Variants in EXOC3L4 observed in about 807,000 individuals in gnomAD.
EXOC3L4 encodes exocyst complex component 3 like 4, also known as exocyst complex component 3-like protein 4.
EXOC3L4 carries 62 observed loss-of-function variants against 69.7 expected under a neutral mutation model. That is an observed-to-expected ratio of 0.89 (90% CI 0.72 to 1.10). The LOEUF is 1.10. Among genes scored for constraint, EXOC3L4 ranks in the 50% least tolerant of loss-of-function variants. EXOC3L4 has a pLI of 0.00. For synonymous variants in EXOC3L4, 502 were observed against 464.2 expected (o/e 1.08, Z -1.05); for missense variants, 1,087 against 1,034.8 (o/e 1.05, Z -0.69).
At position 103,103,935 on chromosome 14, in the gene EXOC3L4, T is replaced by A; in HGVS notation, c.1050-6T>A. On this transcript the variant is annotated splice_region_variant and splice_polypyrimidine_tract_variant and intron_variant, in intron 3 of 11. Transcript: ENST00000688303. ...CCCGCCCCCAGCCCCCTGCCCTGTC[T>A]TCCAGTCCTGACTTCCTGGGCGCCC... is the stretch of plus-strand genomic sequence containing the variant. 1 of 1,537,940 alleles carries A rather than the reference T, an allele frequency of 6.5e-7. No homozygotes were observed. Among genetic ancestry groups the A allele is most frequent in the South Asian group, 1.2e-5 (1 of 84,228 alleles).
intron 7 of EXOC3L4, among the ~76,000 whole-genome samples, chr14:103,106,538 G>A (rs926684374): frequency 6.6e-6 from 1 of 152,204 alleles, no homozygotes; most frequent in Non-Finnish European, 1.5e-5. Context: ...CACCAAGAGG[G>A]ATGGAAGGTC....
Position 103,110,063 on chromosome 14 carries a change from GCCGACTGGGCCGCCA to G in EXOC3L4, c.2010_2024del (p.Leu672_Arg676del). On this transcript the variant is annotated inframe_deletion, in exon 12 of 12. Coordinates refer to ENST00000688303, the MANE Select transcript of EXOC3L4 (RefSeq NM_001077594.2). ...CACATACTGGCCATTCTGGCGCTGCGCCGACTGGGCCGCCAGCGGAACCAGCATCTCTTGCAGCAC... is the reference window on the plus strand; with the variant it reads ...CACATACTGGCCATTCTGGCGCTGCGGCGGAACCAGCATCTCTTGCAGCAC... The G allele has an allele frequency of 6.2e-7, 1 of 1,600,588 alleles. No individual in the cohort carries two copies. Among genetic ancestry groups the G allele is most frequent in the South Asian group, 1.1e-5 (1 of 89,192 alleles).
At chr14:103,099,646 A>C (rs1171969965) in intron 1 of EXOC3L4, among the ~76,000 whole-genome samples, 1 of 152,026 alleles carries the variant, frequency 6.6e-6, no homozygotes, top group Non-Finnish European at 1.5e-5. Flanking sequence ...CACCCAGGGA[A>C]GGGGGTGGGC....
chr14:103,105,721 G>A (rs1890509287), intron 7 of EXOC3L4, among the ~76,000 whole-genome samples: 1 of 152,186 alleles, frequency 6.6e-6, no homozygotes, highest in Non-Finnish European at 1.5e-5. Flanking sequence ...CCTCCCTGTG[G>A]GCTGGCAGTA....
At chr14:103,094,196 T>C (rs773878461), upstream of EXOC3L4, among the ~76,000 whole-genome samples, 6 of 152,128 alleles carry the variant, frequency 3.9e-5, no homozygotes, top group Non-Finnish European at 7.4e-5. Flanking sequence ...GTCCTGTCTG[T>C]CCCTAGGGCC....
In EXOC3L4 at chr14:103,102,691, G is replaced by A. The variant is rs373971768; in HGVS notation, c.968G>A (p.Arg323His). The part of the protein sequence containing the change: ...LRAFHSAVAQ[R>H]LQELARDARG... ...GCCTTCCACAGCGCCGTGGCCCAGC[G>A]CCTCCAGGAGCTCGCGCGCGACGCC... The change falls in exon 3 of 12, where the codon CGC (arginine) becomes CAC (histidine). Residue 323 changes from arginine to histidine, a missense_variant. Transcript: ENST00000688303. 8.2e-4 allele frequency: 1,210 copies of A among 1,474,260 alleles called. No individual in the cohort carries two copies. Among genetic ancestry groups the A allele is most frequent in the Non-Finnish European group, 1.0e-3 (1,118 of 1,117,788 alleles). The allele number at this position is 1,474,260 out of a possible 1,614,324, so 91.3% of individuals were successfully genotyped here. A position where few individuals can be genotyped will look rare whatever the true frequency, so the allele number is the denominator to read the frequency against.
At chr14:103,105,358 C>CTGTGTGTG (rs56105443) in intron 7 of EXOC3L4, among the ~76,000 whole-genome samples, 114 of 141,678 alleles carry the variant, frequency 8.0e-4, no homozygotes, top group African/African-American at 2.6e-3. Flanking sequence ...GAGCTGAGGG[C>CTGTGTGTG]TGTGTGTGTG....
At position 103,097,815 on chromosome 14, in the gene EXOC3L4, G is replaced by A. The variant is rs10151782; in HGVS notation, c.-16-2389G>A. 0.016 allele frequency among the ~76,000 whole-genome samples: 2,494 copies of A among 152,250 alleles called. 59 individuals are homozygous for A. Among genetic ancestry groups the A allele is most frequent in the African/African-American group, 0.057 (2,374 of 41,532 alleles). On this transcript the variant is annotated intron_variant, in intron 1 of 11. Transcript: ENST00000688303. The surrounding 1 kb of genome is among the most constrained non-coding windows in gnomAD (Gnocchi z 4.9). ...CCGGAGGGGAAGCTGGAGGCTGGGCGTGCAGCCGGGAGGACAGAGAAGAAG... is the reference window on the plus strand; with the variant it reads ...CCGGAGGGGAAGCTGGAGGCTGGGCATGCAGCCGGGAGGACAGAGAAGAAG...
rs10149114 is a variant in EXOC3L4 at position 103,097,512 on chromosome 14, C to A, written c.-17+2672C>A. 6.6e-6 allele frequency among the ~76,000 whole-genome samples: 1 copy of A among 152,076 alleles called. No individual in the cohort carries two copies. Among genetic ancestry groups the A allele is most frequent in the Admixed American group, 6.5e-5 (1 of 15,270 alleles). On this transcript the variant is annotated intron_variant, in intron 1 of 11. Transcript: ENST00000688303. The surrounding 1 kb of genome is among the most constrained non-coding windows in gnomAD (Gnocchi z 4.9). ...GAGAGGGGCCTTCAGGTCTCAGCCC[C>A]GCAGGCGCCAGCATGGCAGCAGGCA... is the stretch of plus-strand genomic sequence containing the variant.
chr14:103,107,510 T>A lies in EXOC3L4; in HGVS notation c.1668T>A (p.Gly556=). 1 of 1,613,770 alleles carries A rather than the reference T, an allele frequency of 6.2e-7. No homozygotes were observed. Among genetic ancestry groups the A allele is most frequent in the Non-Finnish European group, 8.5e-7 (1 of 1,180,024 alleles). The change falls in exon 9 of 12, where the codon GGT becomes GGA. Residue 556 remains glycine (G), a synonymous_variant. Transcript: ENST00000688303. ...PLMDKVVTFA[G]HLQRVARPRA... The stretch of plus-strand genomic sequence containing the variant: ...TGGACAAGGTGGTGACCTTCGCCGG[T>A]CATCTCCAGCGTGTGGCCCGGCCGC...
rs1422532889 is a variant in EXOC3L4, at chr14:103,107,668, A to G, written c.1739A>G (p.Glu580Gly). The change falls in exon 10 of 12, where the codon GAG (glutamate) becomes GGG (glycine). Residue 580 changes from glutamate to glycine, a missense_variant. Glu to Gly is a moderately conservative substitution (Grantham distance 98, BLOSUM62 -2). Transcript: ENST00000688303. ...GAGGTGCACCGGTTCGTGGTCCGCG[A>G]GTACCTGGCGCGGGCGCTGAGGCCA... ...LQEVHRFVVR[E>G]YLARALRPRE... 5.7e-6 allele frequency: 9 copies of G among 1,568,044 alleles called. No homozygotes were observed. The highest frequency in any genetic ancestry group is 6.9e-6 in the Non-Finnish European group (8 of 1,155,940).
intron 10 of EXOC3L4, 149 bp downstream of exon 10, chr14:103,107,932 T>G: frequency 3.7e-6 from 4 of 1,068,734 alleles, no homozygotes; most frequent in Non-Finnish European, 2.5e-6. Flanking sequence ...CCTGTGGGGC[T>G]GGGGGGTGGA....
Position 103,105,045 on chromosome 14 carries a change from C to G in EXOC3L4, c.1439C>G (p.Ala480Gly), listed in dbSNP as rs763649884. Residue 480 changes from alanine to glycine, a missense_variant, in exon 7 of 12, where the codon GCC becomes GGC. Transcript: ENST00000688303. The stretch of plus-strand genomic sequence containing the variant: ...GCGGTGAGCGAGCCGCACCTGGGCG[C>G]CTACATCAACGCCTGCGAGGAGCTC... ...SEAVSEPHLG[A>G]YINACEELRT... is the part of the protein sequence containing the mutation. The G allele has an allele frequency of 6.2e-7, 1 of 1,612,146 alleles. No homozygotes were observed. Among genetic ancestry groups the G allele is most frequent in the Non-Finnish European group, 8.5e-7 (1 of 1,178,514 alleles).
At position 103,105,061 on chromosome 14, in the gene EXOC3L4, C is replaced by A; in HGVS notation, c.1455C>A (p.Cys485Ter). The A allele has an allele frequency of 6.2e-7, 1 of 1,610,684 alleles. No homozygotes were observed. Among genetic ancestry groups the A allele is most frequent in the Non-Finnish European group, 8.5e-7 (1 of 1,177,610 alleles). The change falls in exon 7 of 12, where the codon TGC becomes TGA. Residue 485 changes from cysteine to a stop codon, truncating the protein, a stop_gained. Coordinates refer to ENST00000688303, the MANE Select transcript of EXOC3L4 (RefSeq NM_001077594.2). LOFTEE classifies it high-confidence loss of function. ...EPHLGAYINA[C>*]EELRTSLLSR... ...ACCTGGGCGCCTACATCAACGCCTG[C>A]GAGGAGCTCAGGTAGGGCTCGCCCG...
intron 2 of EXOC3L4, among the ~76,000 whole-genome samples, chr14:103,101,082 C>CA (rs1890163575): frequency 6.7e-6 from 1 of 148,972 alleles, no homozygotes; most frequent in Non-Finnish European, 1.5e-5. Flanking sequence ...TTTTTTTTTG[C>CA]ATTTTTAGTA....
In EXOC3L4 at chr14:103,102,697, A is replaced by G. The variant is rs777868304; in HGVS notation, c.974A>G (p.Gln325Arg). The G allele has an allele frequency of 6.8e-7, 1 of 1,471,710 alleles. No homozygotes were observed. Among genetic ancestry groups the G allele is most frequent in the Non-Finnish European group, 9.0e-7 (1 of 1,116,400 alleles). 91.2% of individuals were successfully genotyped at this position (1,471,710 alleles called of 1,614,324 possible). Residue 325 changes from glutamine to arginine, a missense_variant, in exon 3 of 12, where the codon CAG (glutamine) becomes CGG (arginine). Coordinates refer to ENST00000688303, the MANE Select transcript of EXOC3L4 (RefSeq NM_001077594.2). ...CACAGCGCCGTGGCCCAGCGCCTCC[A>G]GGAGCTCGCGCGCGACGCCCGCGGC... ...AFHSAVAQRL[Q>R]ELARDARGCE...
chr14:103,107,594 TTGACCC>T lies in EXOC3L4; in HGVS notation c.1702-16_1702-11del, dbSNP rs749944424. The T allele has an allele frequency of 2.3e-5, 37 of 1,609,420 alleles. No individual in the cohort carries two copies. The Middle Eastern group carries it at 4.9e-4, about 21-fold the overall frequency. On this transcript the variant is annotated intron_variant, in intron 9 of 11. Coordinates refer to ENST00000688303, the MANE Select transcript of EXOC3L4 (RefSeq NM_001077594.2). ...AGGGCTGTGCCCAGGATTGGGGCTG[TTGACCC>T]TGACCCTGACCCTGACCCTGGGCCG...
chr14:103,102,492 GTGC>G lies in EXOC3L4; in HGVS notation c.770_772del (p.Val257_Arg258delinsGly), dbSNP rs1309843462. 2.9e-6 allele frequency: 4 copies of G among 1,385,322 alleles called. No homozygotes were observed. The East Asian group carries it at 1.2e-4, about 42-fold the overall frequency. The allele number at this position is 1,385,322 out of a possible 1,614,324, so 85.8% of individuals were successfully genotyped here. On this transcript the variant is annotated inframe_deletion, in exon 3 of 12. Coordinates refer to ENST00000688303, the MANE Select transcript of EXOC3L4 (RefSeq NM_001077594.2). ...GGTGCGGCGAAGCGCTCAGGAGCGC[GTGC>G]GGCGGCCGGGCGCGGGGTGGGCCTT...
chr14:103,095,490 G>T (rs1331678898), intron 1 of EXOC3L4, among the ~76,000 whole-genome samples: 1 of 145,354 alleles, frequency 6.9e-6, no homozygotes. Context: ...GACAACTGAA[G>T]AAGGAGGGGC....
Sources: allele counts gnomAD v4.1 joint callset (sites outside exome capture counted in the v4.1 genomes callset), GRCh38; gene constraint gnomAD v4.1.1; non-coding constraint Gnocchi (gnomAD v3.1); transcripts MANE v1.5; gene names NCBI Gene and HGNC (gene_info 2026-07-23, HGNC 2026-07-21).